The following KIAA1328 variants were observed in gnomAD, a reference collection of about 807,000 sequenced individuals.
The protein encoded by KIAA1328 is protein hinderin.
KIAA1328 carries 52 observed loss-of-function variants against 68.1 expected under a neutral mutation model. The ratio of observed to expected loss-of-function variants is 0.76; its 90% CI spans 0.61 to 0.96. The LOEUF is 0.96. Ranked by LOEUF, KIAA1328 falls within the 40% of genes least tolerant of loss-of-function variation. The pLI is 0.00. For synonymous variants in KIAA1328, 232 were observed against 239.4 expected (o/e 0.97, Z 0.28); for missense variants, 641 against 677.6 (o/e 0.95, Z 0.60).
chr18:37,029,679 G>T (rs1568312990), intron 6 of KIAA1328, among the ~76,000 whole-genome samples: 1 of 152,296 alleles, frequency 6.6e-6, no homozygotes, highest in South Asian at 2.1e-4. Context: ...ATATTAATCT[G>T]TAGTTCTGTT....
chr18:37,062,271 G>A (rs1301189081), intron 6 of KIAA1328, among the ~76,000 whole-genome samples: 4 of 146,806 alleles, frequency 2.7e-5, no homozygotes, highest in African/African-American at 7.5e-5. Flanking sequence ...TGGCCTTTGG[G>A]GATTTCTCCC....
intron 7 of KIAA1328, among the ~76,000 whole-genome samples, chr18:37,123,232 C>G (rs940485220): frequency 1.3e-5 from 2 of 152,144 alleles, no homozygotes; most frequent in Non-Finnish European, 2.9e-5. Context: ...TTATTCTACT[C>G]TTAAGAATTC....
intron 7 of KIAA1328, among the ~76,000 whole-genome samples, chr18:37,118,584 G>A (rs547213052): frequency 3.6e-4 from 55 of 152,264 alleles, no homozygotes; most frequent in African/African-American, 1.3e-3. Context: ...CACCCTAGCA[G>A]TATAGTACCC....
At chr18:37,112,410 C>T (rs1281556582) in intron 7 of KIAA1328, among the ~76,000 whole-genome samples, 5 of 152,328 alleles carry the variant, frequency 3.3e-5, no homozygotes, top group African/African-American at 1.2e-4. Context: ...AGGCAAACAG[C>T]ATCTGGAGTG....
intron 4 of KIAA1328, among the ~76,000 whole-genome samples, chr18:36,864,707 A>G (rs1276578914): frequency 6.7e-6 from 1 of 150,118 alleles, no homozygotes; most frequent in Non-Finnish European, 1.5e-5. Context: ...AGATGTTGCT[A>G]ATTCTTATTT....
intron 9 of KIAA1328, among the ~76,000 whole-genome samples, chr18:37,195,943 C>A (rs1430904540): frequency 2.0e-5 from 3 of 152,092 alleles, no homozygotes; most frequent in African/African-American, 7.2e-5. Flanking sequence ...CATGGGATAT[C>A]TTTCCATTTA....
intron 5 of KIAA1328, among the ~76,000 whole-genome samples, chr18:36,912,551 G>T (rs1457641183): frequency 1.3e-5 from 2 of 152,114 alleles, no homozygotes; most frequent in African/African-American, 4.8e-5. Flanking sequence ...TGGGGATTAG[G>T]ATGTGGACAT....
chr18:37,015,515 T>A (rs1372695089), intron 6 of KIAA1328, among the ~76,000 whole-genome samples: 1 of 151,822 alleles, frequency 6.6e-6, no homozygotes, highest in African/African-American at 2.4e-5. Context: ...TTTAGAGTAG[T>A]TTTTTTTCCA....
chr18:36,952,957 T>C (rs1268496239), intron 5 of KIAA1328, among the ~76,000 whole-genome samples: 3 of 149,298 alleles, frequency 2.0e-5, no homozygotes, highest in East Asian at 3.9e-4. Context: ...TGAGTAATAG[T>C]AGAAAGAGAG....
At chr18:37,075,301 C>T (rs2056682257) in intron 7 of KIAA1328, 1 of 152,130 alleles carries the variant, frequency 6.6e-6, no homozygotes, top group African/African-American at 2.4e-5. Flanking sequence ...TTCTCACCAC[C>T]AGACTTGCCC....
At chr18:36,906,664 G>A (rs1459200001) in intron 5 of KIAA1328, among the ~76,000 whole-genome samples, 1 of 152,048 alleles carries the variant, frequency 6.6e-6, no homozygotes, top group Non-Finnish European at 1.5e-5. Flanking sequence ...TTTGATATAA[G>A]CATGCAGTGT....
At chr18:36,859,573 C>G (rs1374817860) in intron 4 of KIAA1328, among the ~76,000 whole-genome samples, 1 of 148,702 alleles carries the variant, frequency 6.7e-6, no homozygotes, top group Non-Finnish European at 1.5e-5. Context: ...CCCTCTCTCC[C>G]TCTCTCTCAT....
intron 9 of KIAA1328, among the ~76,000 whole-genome samples, chr18:37,220,279 C>A (rs1278668398): frequency 6.6e-6 from 1 of 152,128 alleles, no homozygotes; most frequent in Non-Finnish European, 1.5e-5. Context: ...ATATAAGAAA[C>A]CAAAAATCAC....
At chr18:37,046,038 T>C (rs1430665014) in intron 6 of KIAA1328, among the ~76,000 whole-genome samples, 1 of 152,226 alleles carries the variant, frequency 6.6e-6, no homozygotes, top group African/African-American at 2.4e-5. Context: ...ATATGAATCA[T>C]GTTGAAACAG....
chr18:36,836,117 A>G (rs2046666000), intron 3 of KIAA1328, among the ~76,000 whole-genome samples: 1 of 152,044 alleles, frequency 6.6e-6, no homozygotes, highest in African/African-American at 2.4e-5. Context: ...TTTATAGAAA[A>G]CTTTTTTCAG....
At chr18:36,977,243 A>G (rs74569051) in intron 6 of KIAA1328, among the ~76,000 whole-genome samples, 88 of 152,272 alleles carry the variant, frequency 5.8e-4, no homozygotes, top group African/African-American at 2.1e-3. Context: ...AAGGCCTGTC[A>G]TTGGCATCGT....
At chr18:36,843,072 A>G (rs1468919916) in intron 3 of KIAA1328, among the ~76,000 whole-genome samples, 1 of 152,042 alleles carries the variant, frequency 6.6e-6, no homozygotes, top group Non-Finnish European at 1.5e-5. Flanking sequence ...AAAACATAGA[A>G]AAGTATAAAG....
chr18:37,023,900 G>A (rs1437131913), intron 6 of KIAA1328, among the ~76,000 whole-genome samples: 1 of 152,128 alleles, frequency 6.6e-6, no homozygotes, highest in Non-Finnish European at 1.5e-5. Context: ...AGATTATTTT[G>A]TCACCCAGGT....
chr18:37,079,157 A>G lies in KIAA1328; in HGVS notation c.1232+11612A>G, dbSNP rs1210837021. The stretch of plus-strand genomic sequence containing the variant: ...ATGGAATACTATGCAGCCATAAAAA[A>G]TGATGAGTTCATGTCCTTTGTAGGG... On this transcript the variant is annotated intron_variant, in intron 7 of 9. Transcript: ENST00000280020. Among the ~76,000 whole-genome samples the G allele has an allele frequency of 1.3e-4, 16 of 127,208 alleles. 1 individual carries two copies. Among genetic ancestry groups the G allele is most frequent in the African/African-American group, 5.2e-4 (14 of 26,900 alleles). The allele number at this position is 127,208 out of a possible 152,430, so 83.5% of individuals were successfully genotyped here. A position where few individuals can be genotyped will look rare whatever the true frequency, so the allele number is the denominator to read the frequency against.
Sources: allele counts gnomAD v4.1 joint callset (sites outside exome capture counted in the v4.1 genomes callset), GRCh38; gene constraint gnomAD v4.1.1; transcripts MANE v1.5; gene names NCBI Gene and HGNC (gene_info 2026-07-23, HGNC 2026-07-21).